Variants in FAM216B observed in about 807,000 individuals in gnomAD.
FAM216B encodes the protein family with sequence similarity 216 member B, also known as protein FAM216B.
Under a neutral mutation model 12.9 loss-of-function variants are expected in FAM216B, and 11 were observed. That is an observed-to-expected ratio of 0.86 (90% CI 0.54 to 1.42). The LOEUF is 1.42. FAM216B is among the 40% of genes most tolerant of loss of function. FAM216B has a pLI of 0.00. For synonymous variants in FAM216B, 52 were observed against 57.2 expected, an observed-to-expected ratio of 0.91 and a Z score of 0.41; for missense variants, 167 against 162.9, an observed-to-expected ratio of 1.02 and a Z score of -0.14.
intron 2 of FAM216B, among the ~76,000 whole-genome samples, chr13:42,786,192 T>C (rs1370114455): frequency 6.6e-6 from 1 of 152,178 alleles, no homozygotes; most frequent in Non-Finnish European, 1.5e-5. Flanking sequence ...GTGTATGCCG[T>C]TTGAGAACCA....
chr13:42,788,859 C>A lies in FAM216B; in HGVS notation c.*69C>A. 7.2e-7 allele frequency: 1 copy of A among 1,380,318 alleles called. No homozygotes were observed. Among genetic ancestry groups the A allele is most frequent in the Non-Finnish European group, 9.9e-7 (1 of 1,009,964 alleles). The allele number at this position is 1,380,318 out of a possible 1,614,324, so 85.5% of individuals were successfully genotyped here. On this transcript the variant is annotated 3_prime_UTR_variant, in exon 4 of 4. Transcript: ENST00000313851. ...CCTGGTATCTAGTGGGTGCTTTGTG[C>A]ATATTTGTTGAATGACAGTGAATAA...
rs1459984472 is a variant in FAM216B at position 42,790,958 on chromosome 13, A to C, written c.*2168A>C. The C allele has an allele frequency of 6.6e-6, 1 of 152,324 alleles. No individual in the cohort carries two copies. The highest frequency in any genetic ancestry group is 1.9e-4 in the East Asian group (1 of 5,188). 9.4% of individuals were successfully genotyped at this position (152,324 alleles called of 1,614,324 possible). A position where few individuals can be genotyped will look rare whatever the true frequency, so the allele number is the denominator to read the frequency against. ...TATTATTCTAGAGTCCCAGTAACCC[A>C]CAATTGTTGATGAGGAGTAGCAGTA... is the stretch of plus-strand genomic sequence containing the variant. On this transcript the variant is annotated 3_prime_UTR_variant, in exon 4 of 4. Coordinates refer to ENST00000313851, the MANE Select transcript of FAM216B (RefSeq NM_001318932.2).
intron 1 of FAM216B, 72 bp from the exon 2 acceptor site, chr13:42,783,982 T>C: frequency 1.2e-6 from 1 of 860,830 alleles, no homozygotes; most frequent in East Asian, 2.5e-5. Flanking sequence ...TGCTTACTTA[T>C]TTACTTAAGT....
chr13:42,787,818 C>T (rs945088608), intron 3 of FAM216B, among the ~76,000 whole-genome samples: 1 of 152,216 alleles, frequency 6.6e-6, no homozygotes, highest in Non-Finnish European at 1.5e-5. Flanking sequence ...GTGTCAGGTG[C>T]TCTTCTAAGA....
chr13:42,784,001 A>G, intron 1 of FAM216B, 53 bp from the exon 2 acceptor site: 1 of 1,222,992 alleles, frequency 8.2e-7, no homozygotes, highest in East Asian at 2.4e-5. Flanking sequence ...GTACATCCCC[A>G]AAATTGGTTG....
chr13:42,785,642 A>C (rs1874057212), intron 2 of FAM216B, among the ~76,000 whole-genome samples: 2 of 152,230 alleles, frequency 1.3e-5, no homozygotes, highest in South Asian at 4.1e-4. Context: ...TGAACACTTA[A>C]GATATATTAG....
rs1258643543 is a variant in FAM216B, at chr13:42,789,308, T to C, written c.*518T>C. On this transcript the variant is annotated 3_prime_UTR_variant, in exon 4 of 4. Coordinates refer to ENST00000313851, the MANE Select transcript of FAM216B (RefSeq NM_001318932.2). ...GGCATTTAATTTAGCCCCAAAGCTC[T>C]TCTAGTTCTCACCTGGCTTGATCAC... is the stretch of plus-strand genomic sequence containing the variant. 6.5e-6 allele frequency: 1 copy of C among 152,688 alleles called. No homozygotes were observed. The highest frequency in any genetic ancestry group is 2.4e-5 in the African/African-American group (1 of 41,458). The allele number at this position is 152,688 out of a possible 1,614,324, so 9.5% of individuals were successfully genotyped here.
At chr13:42,783,997 C>A (rs1873957434) in intron 1 of FAM216B, 57 bp from the exon 2 acceptor site, 1 of 1,091,174 alleles carries the variant, frequency 9.2e-7, no homozygotes, top group Non-Finnish European at 1.3e-6. Flanking sequence ...TTAAGTACAT[C>A]CCCAAAATTG....
In FAM216B at chr13:42,788,687, C is replaced by G; in HGVS notation, c.317C>G (p.Pro106Arg). The G allele has an allele frequency of 6.2e-7, 1 of 1,613,888 alleles. No homozygotes were observed. Among genetic ancestry groups the G allele is most frequent in the Non-Finnish European group, 8.5e-7 (1 of 1,179,858 alleles). The change falls in exon 4 of 4, where the codon CCC (proline) becomes CGC (arginine). Residue 106 changes from proline (P) to arginine (R), a missense_variant. Transcript: ENST00000313851. ...AAGGTAGCTCCTCAAAGAACCATTC[C>G]CCGGAAAACTTCAGCCATGACAAGA... ...SAKVAPQRTIPRKTSAMTRRC... is the reference protein window; with the variant it reads ...SAKVAPQRTIRRKTSAMTRRC...
rs41288317 is a variant in FAM216B at position 42,781,672 on chromosome 13, C to T, written c.-15+8C>T. On this transcript the variant is annotated splice_region_variant and intron_variant, in intron 1 of 3. Transcript: ENST00000313851. The stretch of plus-strand genomic sequence containing the variant: ...GGGGAACTACAGTATAGGGTAAGTT[C>T]TTTTTAGGCAAATCTGTCTTTTTGT... The T allele has an allele frequency of 2.0e-5, 3 of 152,250 alleles. No homozygotes were observed. Among genetic ancestry groups the T allele is most frequent in the Non-Finnish European group, 4.4e-5 (3 of 68,004 alleles). 9.4% of individuals were successfully genotyped at this position (152,250 alleles called of 1,614,324 possible).
Position 42,784,137 on chromosome 13 carries a change from C to T in FAM216B, c.70C>T (p.Pro24Ser). ...ACAACTTCCTTTTATTCGAGTTCCT[C>T]CCTCCATCTATGACACTTCCTTACT... The part of the protein sequence containing the change: ...VPQLPFIRVP[P>S]SIYDTSLLKA... The change falls in exon 2 of 4, where the codon CCC becomes TCC. Residue 24 changes from proline (P) to serine (S), a missense_variant. Physicochemically the swap from Pro to Ser is moderately conservative, Grantham distance 74. Coordinates refer to ENST00000313851, the MANE Select transcript of FAM216B (RefSeq NM_001318932.2). 6.3e-7 allele frequency: 1 copy of T among 1,599,548 alleles called. No homozygotes were observed. Among genetic ancestry groups the T allele is most frequent in the Non-Finnish European group, 8.5e-7 (1 of 1,172,902 alleles).
chr13:42,787,064 T>C lies in FAM216B; in HGVS notation c.220+181T>C, dbSNP rs557242862. Among the ~76,000 whole-genome samples the C allele has an allele frequency of 1.4e-4, 22 of 152,314 alleles. 1 individual carries two copies. The South Asian group carries it at 4.6e-3, about 32-fold the overall frequency. On this transcript the variant is annotated intron_variant, in intron 3 of 3. Coordinates refer to ENST00000313851, the MANE Select transcript of FAM216B (RefSeq NM_001318932.2). ...CTTGACAATGGAAAGCAAGGTTTTA[T>C]GGGTAAATTAATAGGGTTTAAAGAA... is the stretch of plus-strand genomic sequence containing the variant.
At chr13:42,786,656 T>G in intron 2 of FAM216B, 107 bp from the exon 3 acceptor site, 1 of 1,354,226 alleles carries the variant, frequency 7.4e-7, no homozygotes, top group Non-Finnish European at 9.8e-7. Context: ...AAACATATGG[T>G]TAGCAAGAAA....
chr13:42,788,474 T>G, intron 3 of FAM216B, 117 bp from the exon 4 acceptor site: 1 of 750,966 alleles, frequency 1.3e-6, no homozygotes, highest in Non-Finnish European at 2.1e-6. Flanking sequence ...AATCTGGGCA[T>G]GCTTACCACA....
At chr13:42,787,843 G>C (rs1307239248) in intron 3 of FAM216B, among the ~76,000 whole-genome samples, 1 of 152,160 alleles carries the variant, frequency 6.6e-6, no homozygotes, top group Non-Finnish European at 1.5e-5. Context: ...TGCAGGTATT[G>C]TATTTAACAC....
intron 1 of FAM216B, 106 bp from the exon 2 acceptor site, chr13:42,783,948 T>A: frequency 1.6e-6 from 1 of 641,354 alleles, no homozygotes. Context: ...TAGAACAAAT[T>A]ACATTTTTAA....
chr13:42,786,670 C>T, intron 2 of FAM216B, 93 bp from the exon 3 acceptor site: 1 of 1,421,292 alleles, frequency 7.0e-7, no homozygotes, highest in African/African-American at 1.5e-5. Flanking sequence ...CAAGAAAAGC[C>T]TCTTATTTCC....
intron 3 of FAM216B, among the ~76,000 whole-genome samples, chr13:42,787,302 T>A (rs1874129437): frequency 6.6e-6 from 1 of 152,186 alleles, no homozygotes; most frequent in African/African-American, 2.4e-5. Context: ...TGCTAAGAGC[T>A]TTACATACAA....
At position 42,784,140 on chromosome 13, in the gene FAM216B, T is replaced by A. The variant is rs1166757592; in HGVS notation, c.73T>A (p.Ser25Thr). ...ACTTCCTTTTATTCGAGTTCCTCCC[T>A]CCATCTATGACACTTCCTTACTAAA... ...PQLPFIRVPPSIYDTSLLKAL... is the reference protein window; with the variant it reads ...PQLPFIRVPPTIYDTSLLKAL... The change falls in exon 2 of 4, where the codon TCC (serine) becomes ACC (threonine). Residue 25 changes from serine (S) to threonine (T), a missense_variant. Physicochemically the swap from Ser to Thr is moderately conservative, Grantham distance 58 (BLOSUM62 1). Transcript: ENST00000313851. The A allele has an allele frequency of 1.4e-6, 2 of 1,480,040 alleles. No individual in the cohort carries two copies. The highest frequency in any genetic ancestry group is 1.9e-6 in the Non-Finnish European group (2 of 1,071,612). The allele number at this position is 1,480,040 out of a possible 1,614,324, so 91.7% of individuals were successfully genotyped here.
Sources: allele counts gnomAD v4.1 joint callset (sites outside exome capture counted in the v4.1 genomes callset), GRCh38; gene constraint gnomAD v4.1.1; transcripts MANE v1.5; gene names NCBI Gene and HGNC (gene_info 2026-07-23, HGNC 2026-07-21).